Variants in DCP2 observed in about 807,000 individuals in gnomAD.
The protein encoded by DCP2 is decapping mRNA 2, also known as m7GpppN-mRNA hydrolase.
A neutral mutation model predicts 56.1 loss-of-function variants in DCP2; 30 were observed. The observed-to-expected ratio is 0.53, with a 90% confidence interval of 0.40 to 0.73. The LOEUF is 0.73. DCP2 is among the 30% of genes least tolerant of loss of function. The pLI, the probability that DCP2 is intolerant of heterozygous loss-of-function variation, is 0.00. For synonymous variants in DCP2, 197 were observed against 163.3 expected (o/e 1.21, Z -1.57); for missense variants, 533 against 502.7 (o/e 1.06, Z -0.58).
At position 112,985,933 on chromosome 5, in the gene DCP2, T is replaced by G. The variant is rs976887250; in HGVS notation, c.152T>G (p.Met51Arg). The G allele has an allele frequency of 3.1e-6, 5 of 1,606,276 alleles. No homozygotes were observed. The highest frequency in any genetic ancestry group is 3.4e-6 in the Non-Finnish European group (4 of 1,173,994). Residue 51 changes from methionine (M) to arginine (R), a missense_variant, in exon 2 of 11, where the codon ATG (methionine) becomes AGG (arginine). Met to Arg is a moderately conservative substitution (Grantham distance 91). Coordinates refer to ENST00000389063, the MANE Select transcript of DCP2 (RefSeq NM_152624.6). ...CATTGGTTTTACTTGGATTTCTACA[T>G]GCAGAACACACCAGGATTACCTCAG... The part of the protein sequence containing the change: ...LAHWFYLDFY[M>R]QNTPGLPQCG...
In DCP2 at chr5:113,015,847, T is replaced by G. The variant is rs1381313665; in HGVS notation, c.*2363T>G. The G allele has an allele frequency of 6.5e-6, 1 of 152,678 alleles. No homozygotes were observed. The highest frequency in any genetic ancestry group is 1.5e-5 in the Non-Finnish European group (1 of 68,040). 9.5% of individuals were successfully genotyped at this position (152,678 alleles called of 1,614,324 possible). On this transcript the variant is annotated 3_prime_UTR_variant, in exon 11 of 11. Coordinates refer to ENST00000389063, the MANE Select transcript of DCP2 (RefSeq NM_152624.6). Reference sequence around the variant, plus strand: ...AAGGCCATGCTTAGCGAACTGGATTTCTCCTTTGAGAAATTTTAGTATGGT... The same window carrying G: ...AAGGCCATGCTTAGCGAACTGGATTGCTCCTTTGAGAAATTTTAGTATGGT...
chr5:112,985,264 G>A (rs1388960782), intron 1 of DCP2, among the ~76,000 whole-genome samples: 1 of 152,044 alleles, frequency 6.6e-6, no homozygotes, highest in Non-Finnish European at 1.5e-5. Flanking sequence ...ATATTTATAT[G>A]TAAAAGAAAT....
chr5:112,995,740 A>G (rs1028513817), intron 4 of DCP2, among the ~76,000 whole-genome samples: 6 of 152,146 alleles, frequency 3.9e-5, no homozygotes, highest in African/African-American at 1.4e-4. Context: ...GGCAAGTTTG[A>G]CTTTTGATTT....
rs774368779 is a variant in DCP2 at position 113,007,891 on chromosome 5, T to A, written c.943-47T>A. ...TTCATGGGGTATTTTTTTTGTGCTA[T>A]TACATTATGCTATAGATTCATATTA... On this transcript the variant is annotated intron_variant, in intron 8 of 10. Transcript: ENST00000389063. The A allele has an allele frequency of 1.7e-5, 26 of 1,528,306 alleles. No individual in the cohort carries two copies. In the South Asian group the frequency reaches 2.5e-4, roughly 15 times the overall value. The allele number at this position is 1,528,306 out of a possible 1,614,324, so 94.7% of individuals were successfully genotyped here. A position where few individuals can be genotyped will look rare whatever the true frequency, so the allele number is the denominator to read the frequency against.
rs984210208 is a variant in DCP2 at position 113,015,870 on chromosome 5, G to C, written c.*2386G>C. 1 of 152,590 alleles carries C rather than the reference G, an allele frequency of 6.6e-6. No individual in the cohort carries two copies. Among genetic ancestry groups the C allele is most frequent in the Non-Finnish European group, 1.5e-5 (1 of 68,018 alleles). The allele number at this position is 152,590 out of a possible 1,614,324, so 9.5% of individuals were successfully genotyped here. A position where few individuals can be genotyped will look rare whatever the true frequency, so the allele number is the denominator to read the frequency against. ...TTTCTCCTTTGAGAAATTTTAGTAT[G>C]GTTTGAGGAAATCAAGTGATAAAGG... is the stretch of plus-strand genomic sequence containing the variant. On this transcript the variant is annotated 3_prime_UTR_variant, in exon 11 of 11. Coordinates refer to ENST00000389063, the MANE Select transcript of DCP2 (RefSeq NM_152624.6).
chr5:113,002,110 G>C (rs904832304), intron 7 of DCP2, among the ~76,000 whole-genome samples: 8 of 152,196 alleles, frequency 5.3e-5, no homozygotes, highest in African/African-American at 1.9e-4. Context: ...AGATAGAACA[G>C]TGAAGACTTG....
In DCP2 at chr5:112,996,087, TG is replaced by T. The variant is rs368707429; in HGVS notation, c.432+3323del. Among the ~76,000 whole-genome samples, 33 of 152,244 alleles carry T rather than the reference TG, an allele frequency of 2.2e-4. No individual in the cohort carries two copies. The East Asian group carries it at 6.0e-3, about 28-fold the overall frequency. On this transcript the variant is annotated intron_variant, in intron 4 of 10. Transcript: ENST00000389063. ...AGCCCTATCTCCAAATACAGTTACA[TG>T]GGGGGTTGAGCTTCAACATATGAAT...
intron 1 of DCP2, among the ~76,000 whole-genome samples, chr5:112,978,119 G>A (rs1747807920): frequency 6.6e-6 from 1 of 152,066 alleles, no homozygotes; most frequent in Non-Finnish European, 1.5e-5. Context: ...TGGGATTACA[G>A]GCACCCGCCA....
At chr5:113,001,521 C>CAGA in intron 6 of DCP2, 46 bp from the exon 7 acceptor site, 3 of 1,606,794 alleles carry the variant, frequency 1.9e-6, no homozygotes, top group Non-Finnish European at 1.7e-6. Context: ...TAGTCATCTT[C>CAGA]TGTCTGTAGC....
chr5:112,986,068 G>T (rs1748269342), intron 2 of DCP2, 82 bp downstream of exon 2: 2 of 1,384,670 alleles, frequency 1.4e-6, no homozygotes, highest in Admixed American at 4.4e-5. Flanking sequence ...TGCCTTTTCA[G>T]ATTTTAAAAC....
chr5:112,999,085 G>A (rs1246974761), intron 4 of DCP2, among the ~76,000 whole-genome samples: 1 of 152,056 alleles, frequency 6.6e-6, no homozygotes, highest in African/African-American at 2.4e-5. Flanking sequence ...TTTTTCTTCA[G>A]TACTTTCTTT....
chr5:112,990,875 T>G (rs1486774867), intron 2 of DCP2, among the ~76,000 whole-genome samples: 1 of 126,696 alleles, frequency 7.9e-6, no homozygotes, highest in Non-Finnish European at 1.8e-5. Flanking sequence ...TAAAATGAAT[T>G]TAATGTGATT....
chr5:112,996,815 A>C (rs1748878134), intron 4 of DCP2, among the ~76,000 whole-genome samples: 1 of 152,248 alleles, frequency 6.6e-6, no homozygotes, highest in South Asian at 2.1e-4. Context: ...ATTCAGTGAA[A>C]TAGATTTAGG....
Position 113,010,782 on chromosome 5 carries a change from G to A in DCP2, c.1074G>A (p.Arg358=). ...LMKCEKKLHP[R]KLQDNFETDA... ...AGTGTGAAAAGAAACTTCATCCACGGAAACTTCAGGATAATTTTGAAACAG... is the reference window on the plus strand; with the variant it reads ...AGTGTGAAAAGAAACTTCATCCACGAAAACTTCAGGATAATTTTGAAACAG... The change falls in exon 10 of 11, where the codon CGG becomes CGA. Residue 358 remains arginine, a synonymous_variant. Coordinates refer to ENST00000389063, the MANE Select transcript of DCP2 (RefSeq NM_152624.6). The A allele has an allele frequency of 6.3e-7, 1 of 1,596,198 alleles. No individual in the cohort carries two copies. The highest frequency in any genetic ancestry group is 1.1e-5 in the South Asian group (1 of 87,424).
At chr5:112,991,144 A>G (rs969042696) in intron 2 of DCP2, among the ~76,000 whole-genome samples, 23 of 152,216 alleles carry the variant, frequency 1.5e-4, no homozygotes, top group Non-Finnish European at 2.5e-4. Context: ...AAGTGGTAGT[A>G]TTTGATACAT....
Position 113,019,866 on chromosome 5 carries a change from T to G in DCP2, c.*6382T>G, listed in dbSNP as rs1293699871. ...AGAATAAAATAAACGGAATTACAGT[T>G]CATGCATTAGCATTTTTAAGTGAAG... On this transcript the variant is annotated 3_prime_UTR_variant, in exon 11 of 11. Transcript: ENST00000389063. 1 of 152,226 alleles carries G rather than the reference T, an allele frequency of 6.6e-6. No individual in the cohort carries two copies. The highest frequency in any genetic ancestry group is 2.4e-5 in the African/African-American group (1 of 41,460). The allele number at this position is 152,226 out of a possible 1,614,324, so 9.4% of individuals were successfully genotyped here.
At chr5:112,992,493 A>G (rs888589822) in intron 3 of DCP2, among the ~76,000 whole-genome samples, 179 bp from the exon 4 acceptor site, 1 of 152,158 alleles carries the variant, frequency 6.6e-6, no homozygotes, top group Admixed American at 6.5e-5. Context: ...TTAAATGGGC[A>G]GAATGCTTTC....
intron 9 of DCP2, among the ~76,000 whole-genome samples, chr5:113,008,476 C>T (rs112168748): frequency 1.3e-5 from 2 of 151,388 alleles, no homozygotes; most frequent in Non-Finnish European, 3.0e-5. Context: ...TGACAAATAA[C>T]AAAGCAGTTT....
chr5:112,977,700 C>G (rs1001976531), intron 1 of DCP2, among the ~76,000 whole-genome samples: 1 of 152,146 alleles, frequency 6.6e-6, no homozygotes, highest in African/African-American at 2.4e-5. Context: ...ATTCTTCCCC[C>G]TTGTCAACTC....
Sources: allele counts gnomAD v4.1 joint callset (sites outside exome capture counted in the v4.1 genomes callset), GRCh38; gene constraint gnomAD v4.1.1; transcripts MANE v1.5; gene names NCBI Gene and HGNC (gene_info 2026-07-23, HGNC 2026-07-21).